DNAH2: variants seen among roughly 807,000 people sequenced by gnomAD.
The protein encoded by DNAH2 is dynein axonemal heavy chain 2, also known as axonemal beta dynein heavy chain 2.
A neutral mutation model predicts 523.5 loss-of-function variants in DNAH2; 323 were observed. The ratio of observed to expected loss-of-function variants is 0.62; its 90% CI spans 0.56 to 0.68. The LOEUF is 0.68. Among genes scored for constraint, DNAH2 ranks in the 30% least tolerant of loss-of-function variants. The probability of loss-of-function intolerance (pLI) is 0.00; values close to 1 mark genes in which losing one functional copy is unlikely to be tolerated. For synonymous variants in DNAH2, 2,093 were observed against 2,177.4 expected (o/e 0.96, Z 1.08); for missense variants, 4,907 against 5,701.5 (o/e 0.86, Z 4.49).
At chr17:7,737,676 G>C (rs2075180267) in intron 8 of DNAH2, among the ~76,000 whole-genome samples, 1 of 152,178 alleles carries the variant, frequency 6.6e-6, no homozygotes, top group Admixed American at 6.6e-5. Context: ...ATTCACTGGG[G>C]GTGAAAAAGC....
intron 2 of DNAH2, 65 bp from the exon 3 acceptor site, chr17:7,723,563 C>T (rs2074700550): frequency 6.3e-6 from 9 of 1,420,812 alleles, no homozygotes; most frequent in South Asian, 2.3e-5. Context: ...TGAGCCACCG[C>T]GCCCAGCTGA....
Position 7,817,713 on chromosome 17 carries a change from A to AG in DNAH2, c.10169+7dup, listed in dbSNP as rs764541905. 5 of 1,614,038 alleles carry AG rather than the reference A, an allele frequency of 3.1e-6. No homozygotes were observed. The East Asian group carries it at 1.1e-4, about 36-fold the overall frequency. ...TCATCGTCACCCGAGGCAACAGGTG[A>AG]GGGTGCTGCTGGGCGTGGGGGCGGT... On this transcript the variant is annotated splice_donor_region_variant and intron_variant, in intron 66 of 85. Transcript: ENST00000572933.
intron 17 of DNAH2, 57 bp downstream of exon 17, chr17:7,759,995 C>T (rs1344545649): frequency 1.2e-6 from 2 of 1,610,846 alleles, no homozygotes; most frequent in Non-Finnish European, 1.7e-6. Context: ...GTCGAGTGGG[C>T]CAGGCCAGGA....
chr17:7,817,249 G>A, intron 64 of DNAH2, 41 bp from the exon 65 acceptor site: 2 of 1,573,992 alleles, frequency 1.3e-6, no homozygotes, highest in Non-Finnish European at 1.7e-6. Flanking sequence ...CTCCCAGAGT[G>A]CTGGGGCCCA....
At chr17:7,827,125 G>A (rs983052583) in intron 77 of DNAH2, among the ~76,000 whole-genome samples, 3 of 151,792 alleles carry the variant, frequency 2.0e-5, no homozygotes, top group Non-Finnish European at 4.4e-5. Flanking sequence ...GATGTTCTTC[G>A]CGTTTTGTAG....
intron 11 of DNAH2, among the ~76,000 whole-genome samples, chr17:7,741,334 C>CTTCCTTCCTTCCTTCT (rs2075341414): frequency 8.3e-6 from 1 of 120,788 alleles, no homozygotes; most frequent in African/African-American, 3.3e-5. Context: ...TCCTTCCTTC[C>CTTCCTTCCTTCCTTCT]TTCCTTCCTT....
chr17:7,725,942 A>T (rs911875128), intron 3 of DNAH2, among the ~76,000 whole-genome samples: 1 of 152,118 alleles, frequency 6.6e-6, no homozygotes, highest in Non-Finnish European at 1.5e-5. Flanking sequence ...AGGAGGAAAG[A>T]TGAAAAGACT....
chr17:7,766,640 CTTTTTTTTT>C (rs58072098), intron 22 of DNAH2, among the ~76,000 whole-genome samples, 159 bp downstream of exon 22: 2 of 84,428 alleles, frequency 2.4e-5, no homozygotes, highest in South Asian at 4.0e-4. Context: ...AAAATTAATC[CTTTTTTTTT>C]TTTTTTTTTT....
rs557568655 is a variant in DNAH2 at position 7,734,457 on chromosome 17, C to T, written c.740-13C>T. On this transcript the variant is annotated splice_polypyrimidine_tract_variant and intron_variant, in intron 6 of 85. Coordinates refer to ENST00000572933, the MANE Select transcript of DNAH2 (RefSeq NM_020877.5). ...GTGAAGAAACGAAGGAGATTTTGTA[C>T]TCTCCCCTGCAGCCTCCATGATCCA... 5.4e-5 allele frequency: 87 copies of T among 1,612,040 alleles called. No homozygotes were observed. Among genetic ancestry groups the T allele is most frequent in the Middle Eastern group, 1.6e-4 (1 of 6,078 alleles).
At chr17:7,830,961 T>C in intron 79 of DNAH2, 119 bp downstream of exon 79, 2 of 1,521,526 alleles carry the variant, frequency 1.3e-6, no homozygotes, top group Admixed American at 3.4e-5. Flanking sequence ...ACAGAGTTTG[T>C]GGGATTGAGA....
rs1037008903 is a variant in DNAH2 at position 7,798,756 on chromosome 17, T to C, written c.8559+38T>C. The stretch of plus-strand genomic sequence containing the variant: ...CCACACCCTTGACCAGTCAGTTCTT[T>C]GGCCTGCCTAGCTGACCCCAGAAGG... On this transcript the variant is annotated intron_variant, in intron 55 of 85. Transcript: ENST00000572933. The surrounding 1 kb of genome is among the most constrained non-coding windows in gnomAD (Gnocchi z 5.5). 1.9e-6 allele frequency: 3 copies of C among 1,593,276 alleles called. No homozygotes were observed. The highest frequency in any genetic ancestry group is 2.6e-6 in the Non-Finnish European group (3 of 1,170,950).
chr17:7,759,777 T>C lies in DNAH2; in HGVS notation c.2638-14T>C, dbSNP rs373332311. 2.5e-6 allele frequency: 4 copies of C among 1,614,010 alleles called. No homozygotes were observed. Among genetic ancestry groups the C allele is most frequent in the Non-Finnish European group, 3.4e-6 (4 of 1,179,968 alleles). Reference sequence around the variant, plus strand: ...CTAAGGCTTTTCTCTCCATCTCCACTGGGTTCCTCACAGGTGGAATTCTCA... The same window carrying C: ...CTAAGGCTTTTCTCTCCATCTCCACCGGGTTCCTCACAGGTGGAATTCTCA... On this transcript the variant is annotated splice_polypyrimidine_tract_variant and intron_variant, in intron 16 of 85. Coordinates refer to ENST00000572933, the MANE Select transcript of DNAH2 (RefSeq NM_020877.5).
chr17:7,793,481 T>C (rs958283142), intron 48 of DNAH2, among the ~76,000 whole-genome samples: 2 of 134,904 alleles, frequency 1.5e-5, no homozygotes, highest in African/African-American at 5.1e-5. Flanking sequence ...CTTTCTTTCT[T>C]TCTTTCTTTC....
At chr17:7,824,349 T>G (rs780491134) in intron 76 of DNAH2, 45 bp downstream of exon 76, 1 of 1,490,524 alleles carries the variant, frequency 6.7e-7, no homozygotes. Context: ...AGCCCAGTCC[T>G]TGTCCCTAGA....
rs61745181 is a variant in DNAH2, at chr17:7,832,616, G to A, written c.12764G>A (p.Arg4255Gln). The part of the protein sequence containing the change: ...PSQKPLAAWT[R>Q]DLAMRVEQFE... ...CAAAAGCCATTGGCTGCCTGGACCC[G>A]GGACTTGGCCATGCGTGTGGAGCAG... is the stretch of plus-strand genomic sequence containing the variant. Residue 4255 changes from arginine (R) to glutamine (Q), a missense_variant, in exon 83 of 86, where the codon CGG (arginine) becomes CAG (glutamine). Transcript: ENST00000572933. This position sits in a 1 kb window ranked among gnomAD's most constrained non-coding sequence, Gnocchi z 4.3. 144,402 of 1,614,054 alleles carry A rather than the reference G, an allele frequency of 0.089. 8,268 individuals are homozygous for A. The highest frequency in any genetic ancestry group is 0.24 in the Admixed American group (14,331 of 60,004).
At chr17:7,826,600 C>CTCA (rs1465556865) in intron 77 of DNAH2, among the ~76,000 whole-genome samples, 3 of 133,114 alleles carry the variant, frequency 2.3e-5, no homozygotes, top group Admixed American at 1.8e-4. Context: ...AGCGCAGTGG[C>CTCA]GCCATCTCGG....
chr17:7,794,214 C>A, intron 48 of DNAH2, 40 bp from the exon 49 acceptor site: 2 of 1,505,802 alleles, frequency 1.3e-6, no homozygotes, highest in Non-Finnish European at 1.8e-6. Flanking sequence ...CTTGCCCTCT[C>A]CCCTCCTGCC....
At chr17:7,742,494 G>T (rs2075381922) in intron 11 of DNAH2, among the ~76,000 whole-genome samples, 1 of 152,186 alleles carries the variant, frequency 6.6e-6, no homozygotes, top group Non-Finnish European at 1.5e-5. Context: ...AAGCTGTTGA[G>T]GTAGTGACCT....
Position 7,833,675 on chromosome 17 carries a change from G to A in DNAH2, c.*142G>A, listed in dbSNP as rs2078261698. On this transcript the variant is annotated 3_prime_UTR_variant, in exon 86 of 86. Coordinates refer to ENST00000572933, the MANE Select transcript of DNAH2 (RefSeq NM_020877.5). ...TGTGATGTGGCCCTGGAGATACCTA[G>A]TTGTGTTAGCCATAAAAGTGAAAGA... The A allele has an allele frequency of 1.8e-6, 2 of 1,141,622 alleles. No homozygotes were observed. The highest frequency in any genetic ancestry group is 2.5e-6 in the Non-Finnish European group (2 of 785,526). The allele number at this position is 1,141,622 out of a possible 1,614,324, so 70.7% of individuals were successfully genotyped here. A position where few individuals can be genotyped will look rare whatever the true frequency, so the allele number is the denominator to read the frequency against.
Sources: allele counts gnomAD v4.1 joint callset (sites outside exome capture counted in the v4.1 genomes callset), GRCh38; gene constraint gnomAD v4.1.1; non-coding constraint Gnocchi (gnomAD v3.1); transcripts MANE v1.5; gene names NCBI Gene and HGNC (gene_info 2026-07-23, HGNC 2026-07-21).